The following ENPP2 variants were observed in gnomAD, a reference collection of about 807,000 sequenced individuals.
ENPP2 encodes the protein ectonucleotide pyrophosphatase/phosphodiesterase 2.
In ENPP2, 51 loss-of-function variants were observed where a neutral mutation model predicts 120.2. That is an observed-to-expected ratio of 0.42 (90% CI 0.34 to 0.54). ENPP2 has a LOEUF of 0.54. Among genes scored for constraint, ENPP2 ranks in the 20% least tolerant of loss-of-function variants. The pLI is 0.04. For missense variants in ENPP2, 920 were observed against 1,066.5 expected (o/e 0.86, Z 1.91); for synonymous variants, 365 against 366.4 (o/e 1.00, Z 0.04).
At position 119,638,834 on chromosome 8, in the gene ENPP2, T is replaced by G. The variant is rs1374983367; in HGVS notation, c.-54A>C. 6.2e-7 allele frequency: 1 copy of G among 1,612,812 alleles called. No individual in the cohort carries two copies. The highest frequency in any genetic ancestry group is 8.5e-7 in the Non-Finnish European group (1 of 1,178,996). On this transcript the variant is annotated 5_prime_UTR_variant, in exon 1 of 25. Transcript: ENST00000075322. ...GCGTGTTCTCTTTGCCTTCACGGAG[T>G]GCACTGCTTTGAGGCTCTGGGTTTA...
At position 119,564,813 on chromosome 8, in the gene ENPP2, A is replaced by G. The variant is rs779596461; in HGVS notation, c.2264+10T>C. ...AAAAATCACACACTGAGTAGAAATG[A>G]AACGCTTACTGTTTTATTTTGTCTT... On this transcript the variant is annotated intron_variant, in intron 23 of 24. Transcript: ENST00000075322. 1 of 1,610,740 alleles carries G rather than the reference A, an allele frequency of 6.2e-7. No homozygotes were observed. The highest frequency in any genetic ancestry group is 1.1e-5 in the South Asian group (1 of 90,602).
chr8:119,589,972 C>T (rs1813385786), intron 13 of ENPP2, among the ~76,000 whole-genome samples: 1 of 152,078 alleles, frequency 6.6e-6, no homozygotes, highest in Non-Finnish European at 1.5e-5. Flanking sequence ...GGACAGCTGC[C>T]ACTTCCCAAG....
At chr8:119,627,631 G>A (rs773975980) in intron 2 of ENPP2, among the ~76,000 whole-genome samples, 4 of 152,076 alleles carry the variant, frequency 2.6e-5, no homozygotes, top group Non-Finnish European at 5.9e-5. Flanking sequence ...GGAGGCCGAG[G>A]TCGGTGGATC....
rs527474180 is a variant in ENPP2, at chr8:119,570,443, A to T, written c.1917+262T>A. Among the ~76,000 whole-genome samples the T allele has an allele frequency of 2.6e-5, 4 of 152,262 alleles. No individual in the cohort carries two copies. In the South Asian group the frequency reaches 6.2e-4, roughly 24 times the overall value. Reference sequence around the variant, plus strand: ...ACAAACCTTGGCAGTTTCTGTAACTATTGGGCAATGACTTAGGCAGAGTAA... The same window carrying T: ...ACAAACCTTGGCAGTTTCTGTAACTTTTGGGCAATGACTTAGGCAGAGTAA... On this transcript the variant is annotated intron_variant, in intron 20 of 24. Transcript: ENST00000075322.
chr8:119,650,577 C>T (rs906810233), intron 1 of ENPP2, among the ~76,000 whole-genome samples: 2 of 152,198 alleles, frequency 1.3e-5, no homozygotes, highest in South Asian at 4.2e-4. Flanking sequence ...GAACATTAAC[C>T]CTGATTTTCA....
chr8:119,600,900 T>C (rs1211859063), intron 10 of ENPP2, 150 bp from the exon 11 acceptor site: 9 of 578,896 alleles, frequency 1.6e-5, no homozygotes, highest in Non-Finnish European at 2.8e-5. Flanking sequence ...AAACTTTTTT[T>C]TTTTTCTGTT....
rs10110618 is a variant in ENPP2 at position 119,604,299 on chromosome 8, A to C, written c.834-2837T>G. Reference sequence around the variant, plus strand: ...CGCTTCAGCCTCCCAAAGTGCTGGGATTACAGGCATGAGCCACCACACCCA... The same window carrying C: ...CGCTTCAGCCTCCCAAAGTGCTGGGCTTACAGGCATGAGCCACCACACCCA... On this transcript the variant is annotated intron_variant, in intron 9 of 24. Transcript: ENST00000075322. Among the ~76,000 whole-genome samples, 281 of 152,302 alleles carry C rather than the reference A, an allele frequency of 1.8e-3. 1 individual carries two copies. Among genetic ancestry groups the C allele is most frequent in the African/African-American group, 6.5e-3 (272 of 41,550 alleles).
At chr8:119,666,005 C>A (rs906500756) in intron 1 of ENPP2, among the ~76,000 whole-genome samples, 1 of 152,150 alleles carries the variant, frequency 6.6e-6, no homozygotes, top group African/African-American at 2.4e-5. Context: ...GAATACAATA[C>A]ACCCATTGAA....
intron 6 of ENPP2, 39 bp downstream of exon 6, chr8:119,617,426 TA>T: frequency 7.1e-7 from 1 of 1,409,010 alleles, no homozygotes; most frequent in East Asian, 2.4e-5. Flanking sequence ...GTGGAGATCC[TA>T]GATTACAGAT....
At chr8:119,564,035 T>C (rs1814190962) in intron 23 of ENPP2, among the ~76,000 whole-genome samples, 1 of 151,532 alleles carries the variant, frequency 6.6e-6, no homozygotes, top group East Asian at 2.0e-4. Context: ...TCCCAATCAC[T>C]CTAAATCTTG....
intron 22 of ENPP2, 149 bp from the exon 23 acceptor site, chr8:119,565,104 A>G (rs1478999932): frequency 1.6e-5 from 10 of 624,346 alleles, no homozygotes; most frequent in Admixed American, 5.7e-5. Context: ...AATCAATTCT[A>G]TGGCATTACC....
At chr8:119,662,152 C>T (rs992218349) in intron 1 of ENPP2, among the ~76,000 whole-genome samples, 1 of 152,012 alleles carries the variant, frequency 6.6e-6, no homozygotes, top group African/African-American at 2.4e-5. Context: ...GTATTATATA[C>T]TTGAAAATTG....
intron 8 of ENPP2, among the ~76,000 whole-genome samples, chr8:119,611,966 T>G (rs1263197710): frequency 2.6e-5 from 4 of 152,056 alleles, no homozygotes. Flanking sequence ...GAGGCGGAGG[T>G]TGCTGTGAGC....
chr8:119,630,012 G>A (rs964806772), intron 2 of ENPP2, among the ~76,000 whole-genome samples: 10 of 152,136 alleles, frequency 6.6e-5, no homozygotes, highest in African/African-American at 2.4e-4. Context: ...AGATCTAAAG[G>A]CAATTTGTTT....
intron 1 of ENPP2, chr8:119,673,149 A>G: frequency 9.7e-7 from 1 of 1,029,988 alleles, no homozygotes; most frequent in Non-Finnish European, 1.5e-6. Context: ...GCTTTCCGGC[A>G]AACCTGGAGG....
At chr8:119,582,741 G>A (rs1019290216) in intron 17 of ENPP2, 139 bp from the exon 18 acceptor site, 31 of 654,178 alleles carry the variant, frequency 4.7e-5, no homozygotes, top group Admixed American at 4.1e-4. Flanking sequence ...AATGTAGATG[G>A]CAGGCACCCC....
At chr8:119,563,178 T>C (rs931479189) in intron 23 of ENPP2, among the ~76,000 whole-genome samples, 165 bp from the exon 24 acceptor site, 1 of 152,192 alleles carries the variant, frequency 6.6e-6, no homozygotes, top group African/African-American at 2.4e-5. Flanking sequence ...TCTTTGAAAA[T>C]AATGTTTTCT....
intron 19 of ENPP2, among the ~76,000 whole-genome samples, chr8:119,579,897 G>A (rs1000920173): frequency 6.6e-6 from 1 of 152,058 alleles, no homozygotes; most frequent in Non-Finnish European, 1.5e-5. Flanking sequence ...AAGCTATTGA[G>A]GGGGGAGAAA....
chr8:119,630,401 T>C (rs6996969), intron 2 of ENPP2, among the ~76,000 whole-genome samples: 50,636 of 152,084 alleles, frequency 0.33, 10,336 homozygotes, highest in African/African-American at 0.57. Context: ...AGCCACCACA[T>C]CCGGCCTATT....
Sources: allele counts gnomAD v4.1 joint callset (sites outside exome capture counted in the v4.1 genomes callset), GRCh38; gene constraint gnomAD v4.1.1; transcripts MANE v1.5; gene names NCBI Gene and HGNC (gene_info 2026-07-23, HGNC 2026-07-21).